Variants in GALNTL6 observed in about 807,000 individuals in gnomAD.
The protein encoded by GALNTL6 is polypeptide N-acetylgalactosaminyltransferase-like 6.
GALNTL6 carries 46 observed loss-of-function variants against 73.7 expected under a neutral mutation model. The ratio of observed to expected loss-of-function variants is 0.62; its 90% CI spans 0.49 to 0.80. The LOEUF is 0.80. GALNTL6 is among the 30% of genes least tolerant of loss of function. The probability of loss-of-function intolerance (pLI) is 0.00; values close to 1 mark genes in which losing one functional copy is unlikely to be tolerated. For missense variants in GALNTL6, 604 were observed against 755.0 expected (o/e 0.80, Z 2.34); for synonymous variants, 259 against 263.7 (o/e 0.98, Z 0.17).
At chr4:172,163,965 TAGAC>T (rs1734547792) in intron 2 of GALNTL6, among the ~76,000 whole-genome samples, 1 of 152,002 alleles carries the variant, frequency 6.6e-6, no homozygotes, top group African/African-American at 2.4e-5. Flanking sequence ...TATTAATTAT[TAGAC>T]AGAATTTCAC....
chr4:172,925,702 T>C (rs76362269), intron 8 of GALNTL6, among the ~76,000 whole-genome samples: 1,868 of 152,198 alleles, frequency 0.012, 41 homozygotes, highest in African/African-American at 0.042. Flanking sequence ...CTAAGTAAAC[T>C]TGAAAGCAGA....
In GALNTL6 at chr4:172,363,328, C is replaced by T. The variant is rs148080863; in HGVS notation, c.553+14639C>T. On this transcript the variant is annotated intron_variant, in intron 5 of 12. Transcript: ENST00000506823. Reference sequence around the variant, plus strand: ...GAATAACATCTTCAGCCCATGTTCCCTGAAACCCTCCCACCTGCCACGTCA... The same window carrying T: ...GAATAACATCTTCAGCCCATGTTCCTTGAAACCCTCCCACCTGCCACGTCA... Among the ~76,000 whole-genome samples, 974 of 152,256 alleles carry T rather than the reference C, an allele frequency of 6.4e-3. 6 individuals are homozygous for T. Among genetic ancestry groups the T allele is most frequent in the South Asian group, 0.036 (172 of 4,830 alleles).
chr4:172,314,900 G>A (rs567161082), intron 4 of GALNTL6, among the ~76,000 whole-genome samples: 1 of 152,188 alleles, frequency 6.6e-6, no homozygotes, highest in South Asian at 2.1e-4. Flanking sequence ...GTGAGCCACT[G>A]TGCCAGGCCT....
intron 2 of GALNTL6, among the ~76,000 whole-genome samples, chr4:172,078,907 T>C (rs1238070651): frequency 6.6e-5 from 10 of 152,186 alleles, no homozygotes; most frequent in Admixed American, 5.9e-4. Flanking sequence ...CACACATTTA[T>C]TGAAAAGATG....
intron 2 of GALNTL6, among the ~76,000 whole-genome samples, chr4:172,016,575 C>T (rs1457424945): frequency 1.3e-5 from 2 of 151,904 alleles, no homozygotes; most frequent in Non-Finnish European, 2.9e-5. Flanking sequence ...TCTGGCAATT[C>T]AGAGATTTAT....
chr4:172,606,511 T>TA (rs1175823220), intron 5 of GALNTL6, among the ~76,000 whole-genome samples: 2 of 134,960 alleles, frequency 1.5e-5, no homozygotes, highest in Non-Finnish European at 3.1e-5. Flanking sequence ...GTACAGAAGG[T>TA]AAAATGAGTG....
At chr4:172,173,960 TAGTC>T (rs145723327) in intron 2 of GALNTL6, among the ~76,000 whole-genome samples, 4,312 of 152,222 alleles carry the variant, frequency 0.028, 200 homozygotes, top group African/African-American at 0.097. Flanking sequence ...GGTGAAAAGA[TAGTC>T]AGGGACTTGT....
At chr4:172,362,781 C>A (rs1742416801) in intron 5 of GALNTL6, among the ~76,000 whole-genome samples, 1 of 152,190 alleles carries the variant, frequency 6.6e-6, no homozygotes, top group African/African-American at 2.4e-5. Context: ...TCCATTGAAA[C>A]TAGACACCTA....
intron 5 of GALNTL6, among the ~76,000 whole-genome samples, chr4:172,739,902 A>T (rs756011516): frequency 6.6e-6 from 1 of 151,904 alleles, no homozygotes; most frequent in Non-Finnish European, 1.5e-5. Context: ...ATAAGTAAAA[A>T]CCTATGAAAA....
intron 2 of GALNTL6, among the ~76,000 whole-genome samples, chr4:171,927,915 C>T (rs376687700): frequency 2.0e-5 from 3 of 152,178 alleles, no homozygotes; most frequent in Middle Eastern, 3.4e-3. Context: ...TAACTTTGGA[C>T]GCCACTCGTC....
At chr4:172,206,813 TG>T (rs368433682) in intron 2 of GALNTL6, among the ~76,000 whole-genome samples, 1,137 of 37,678 alleles carry the variant, frequency 0.03, 89 homozygotes, top group Middle Eastern at 0.056. Flanking sequence ...CTGTTTTTTT[TG>T]TTTGTTTTTT....
rs71592072 is a variant in GALNTL6 at position 172,370,630 on chromosome 4, C to CAAA, written c.553+21960_553+21962dup. Among the ~76,000 whole-genome samples the CAAA allele has an allele frequency of 2.0e-3, 122 of 59,614 alleles. 1 individual carries two copies. Among genetic ancestry groups the CAAA allele is most frequent in the African/African-American group, 5.9e-3 (94 of 15,954 alleles). The allele number at this position is 59,614 out of a possible 152,430, so 39.1% of individuals were successfully genotyped here. A position where few individuals can be genotyped will look rare whatever the true frequency, so the allele number is the denominator to read the frequency against. The stretch of plus-strand genomic sequence containing the variant: ...TGGGCGACAGAGTGAGACTCCATCT[C>CAAA]AAAAAAAAAAAAAAAAAAAAAGAGT... On this transcript the variant is annotated intron_variant, in intron 5 of 12. Coordinates refer to ENST00000506823, the MANE Select transcript of GALNTL6 (RefSeq NM_001034845.3).
At chr4:172,770,780 G>A (rs370241269) in intron 5 of GALNTL6, among the ~76,000 whole-genome samples, 3 of 152,168 alleles carry the variant, frequency 2.0e-5, no homozygotes, top group South Asian at 4.1e-4. Context: ...AGTAAGCTAA[G>A]TAAAACTATT....
rs549453187 is a variant in GALNTL6 at position 172,802,584 on chromosome 4, T to C, written c.554-6777T>C. On this transcript the variant is annotated intron_variant, in intron 5 of 12. Transcript: ENST00000506823. Reference sequence around the variant, plus strand: ...GCCAAGGTGAGTGTATCACTTGAGGTCAGGAGTTTGAGACCAGCCTGCCCA... The same window carrying C: ...GCCAAGGTGAGTGTATCACTTGAGGCCAGGAGTTTGAGACCAGCCTGCCCA... 2.0e-5 allele frequency among the ~76,000 whole-genome samples: 3 copies of C among 152,104 alleles called. No homozygotes were observed. In the South Asian group the frequency reaches 6.2e-4, roughly 32 times the overall value.
intron 12 of GALNTL6, among the ~76,000 whole-genome samples, chr4:173,033,763 A>G (rs951497804): frequency 2.6e-5 from 4 of 152,186 alleles, no homozygotes; most frequent in African/African-American, 7.2e-5. Flanking sequence ...CCTCATAGCC[A>G]TATTAGACAC....
chr4:172,204,422 A>G (rs1484194990), intron 2 of GALNTL6, among the ~76,000 whole-genome samples: 1 of 152,196 alleles, frequency 6.6e-6, no homozygotes, highest in African/African-American at 2.4e-5. Flanking sequence ...GAGTGCAGAG[A>G]GAACACAGTG....
chr4:171,932,973 C>T (rs1343919005), intron 2 of GALNTL6, among the ~76,000 whole-genome samples: 2 of 152,150 alleles, frequency 1.3e-5, no homozygotes, highest in East Asian at 1.9e-4. Context: ...TCAGTATCAC[C>T]TGTGTGTTTG....
intron 5 of GALNTL6, among the ~76,000 whole-genome samples, chr4:172,695,239 G>A (rs1376414305): frequency 6.6e-6 from 1 of 152,124 alleles, no homozygotes; most frequent in African/African-American, 2.4e-5. Flanking sequence ...AAGATGTAAT[G>A]ATTTACTCTT....
At chr4:172,339,672 C>T (rs1741491799) in intron 4 of GALNTL6, among the ~76,000 whole-genome samples, 1 of 152,202 alleles carries the variant, frequency 6.6e-6, no homozygotes, top group Non-Finnish European at 1.5e-5. Flanking sequence ...CTCCAAGCCT[C>T]TCCCCAAGTT....
Sources: gnomAD v4.1 joint callset for allele counts (sites outside exome capture counted in the v4.1 genomes callset) on GRCh38, gnomAD v4.1.1 for gene constraint, MANE v1.5 for transcripts, NCBI Gene and HGNC (gene_info 2026-07-23, HGNC 2026-07-21) for gene names.